Variants in MOB1A observed in about 807,000 individuals in gnomAD.
The protein encoded by MOB1A is MOB kinase activator 1A.
MOB1A carries 10 observed loss-of-function variants against 25.1 expected under a neutral mutation model. That is an observed-to-expected ratio of 0.40 (90% CI 0.25 to 0.68). The LOEUF (loss-of-function observed/expected upper bound fraction) is 0.68, where lower values mean the gene tolerates loss of function less well. Ranked by LOEUF, MOB1A falls within the 30% of genes least tolerant of loss-of-function variation. The pLI is 0.40. For missense variants in MOB1A, 177 were observed against 256.3 expected (o/e 0.69, Z 2.11); for synonymous variants, 81 against 79.5 (o/e 1.02, Z -0.10).
intron 2 of MOB1A, among the ~76,000 whole-genome samples, chr2:74,171,453 T>C (rs1198904911): frequency 6.6e-6 from 1 of 152,158 alleles, no homozygotes; most frequent in Non-Finnish European, 1.5e-5. Context: ...TATTTATAGA[T>C]AAAACATCAT....
At chr2:74,160,265 T>G (rs1013142341) in intron 4 of MOB1A, among the ~76,000 whole-genome samples, 1 of 152,164 alleles carries the variant, frequency 6.6e-6, no homozygotes, top group Non-Finnish European at 1.5e-5. Flanking sequence ...ACAGATTGCC[T>G]GAGCTCATAA....
Position 74,178,428 on chromosome 2 carries a change from G to A in MOB1A, c.14+233C>T, listed in dbSNP as rs1693540583. The A allele has an allele frequency of 2.3e-5, 8 of 346,808 alleles. No individual in the cohort carries two copies. In the East Asian group the frequency reaches 2.9e-4, roughly 13 times the overall value. The allele number at this position is 346,808 out of a possible 1,614,324, so 21.5% of individuals were successfully genotyped here. A position where few individuals can be genotyped will look rare whatever the true frequency, so the allele number is the denominator to read the frequency against. Reference sequence around the variant, plus strand: ...AAAAGTTTGGAGGCGCGACGGCCCCGGGGCCTTTCTACTCCCCAGCCTTCA... The same window carrying A: ...AAAAGTTTGGAGGCGCGACGGCCCCAGGGCCTTTCTACTCCCCAGCCTTCA... On this transcript the variant is annotated intron_variant, in intron 1 of 5. Coordinates refer to ENST00000396049, the MANE Select transcript of MOB1A (RefSeq NM_018221.5).
At chr2:74,158,869 T>C (rs1692878404) in intron 5 of MOB1A, among the ~76,000 whole-genome samples, 1 of 151,082 alleles carries the variant, frequency 6.6e-6, no homozygotes, top group African/African-American at 2.4e-5. Context: ...ACCACAGACC[T>C]AGGGTGGCCA....
At chr2:74,165,479 G>A (rs1319989672) in intron 3 of MOB1A, 128 bp from the exon 4 acceptor site, 1 of 523,184 alleles carries the variant, frequency 1.9e-6, no homozygotes, top group Non-Finnish European at 3.2e-6. Flanking sequence ...ATCACCTTAA[G>A]TTCTACTGAA....
intron 3 of MOB1A, 33 bp downstream of exon 3, chr2:74,166,981 T>C: frequency 1.4e-6 from 2 of 1,454,320 alleles, no homozygotes; most frequent in Non-Finnish European, 1.9e-6. Context: ...GTAAAACTAA[T>C]CCAAACACCT....
rs140847958 is a variant in MOB1A at position 74,161,817 on chromosome 2, T to C, written c.410-2563A>G. 7.9e-5 allele frequency among the ~76,000 whole-genome samples: 12 copies of C among 151,954 alleles called. No individual in the cohort carries two copies. In the East Asian group the frequency reaches 1.9e-3, roughly 25 times the overall value. On this transcript the variant is annotated intron_variant, in intron 4 of 5. Coordinates refer to ENST00000396049, the MANE Select transcript of MOB1A (RefSeq NM_018221.5). The stretch of plus-strand genomic sequence containing the variant: ...CAAAAAATTGAAAATTAGCTGGGCG[T>C]GGTGGCACACGTGCCTGTGGTCTCA...
chr2:74,166,744 G>A (rs547282127), intron 3 of MOB1A, among the ~76,000 whole-genome samples: 141 of 152,348 alleles, frequency 9.3e-4, no homozygotes, highest in Middle Eastern at 6.8e-3. Flanking sequence ...GCTGAGGCAT[G>A]AGAACCGCTT....
At position 74,176,115 on chromosome 2, in the gene MOB1A, C is replaced by CACAT. The variant is rs1313140161; in HGVS notation, c.14+2545_14+2546insATGT. ...ACACACACACACACACACACACACA[C>CACAT]ACACACACAAACTAGCCGGGCGTGG... On this transcript the variant is annotated intron_variant, in intron 1 of 5. Coordinates refer to ENST00000396049, the MANE Select transcript of MOB1A (RefSeq NM_018221.5). Among the ~76,000 whole-genome samples the CACAT allele has an allele frequency of 2.7e-5, 4 of 146,130 alleles. No individual in the cohort carries two copies. The East Asian group carries it at 8.3e-4, about 30-fold the overall frequency.
chr2:74,158,599 G>T (rs1457814635), intron 5 of MOB1A, among the ~76,000 whole-genome samples: 1 of 151,848 alleles, frequency 6.6e-6, no homozygotes, highest in East Asian at 1.9e-4. Flanking sequence ...GGCCAACATG[G>T]GAAACCCCGT....
chr2:74,157,417 A>C (rs1470585159), intron 5 of MOB1A, among the ~76,000 whole-genome samples: 1 of 152,046 alleles, frequency 6.6e-6, no homozygotes, highest in Non-Finnish European at 1.5e-5. Context: ...TTCATAATAA[A>C]CAGGTAGAGA....
intron 2 of MOB1A, among the ~76,000 whole-genome samples, chr2:74,169,649 G>A (rs1025156007): frequency 3.3e-5 from 5 of 150,666 alleles, no homozygotes; most frequent in African/African-American, 9.8e-5. Flanking sequence ...TTTTTCCCCC[G>A]ACTGGGTCTC....
intron 1 of MOB1A, among the ~76,000 whole-genome samples, 182 bp downstream of exon 1, chr2:74,178,479 T>TC (rs2103759637): frequency 6.6e-6 from 1 of 152,174 alleles, no homozygotes; most frequent in South Asian, 2.1e-4. Context: ...ACTTCGACCT[T>TC]CATCTCTGTC....
At chr2:74,163,105 T>C (rs963130757) in intron 4 of MOB1A, among the ~76,000 whole-genome samples, 4 of 152,184 alleles carry the variant, frequency 2.6e-5, no homozygotes, top group Non-Finnish European at 4.4e-5. Flanking sequence ...ACTTGCATAA[T>C]AGTAAGAAGG....
At chr2:74,173,948 C>CAAAAAAAAAAA (rs773447145) in intron 1 of MOB1A, among the ~76,000 whole-genome samples, 4 of 56,200 alleles carry the variant, frequency 7.1e-5, no homozygotes, top group East Asian at 5.9e-4. Flanking sequence ...AACTCCGTCT[C>CAAAAAAAAAAA]AAAAAAAAAA....
chr2:74,156,641 A>G lies in MOB1A; in HGVS notation c.578T>C (p.Phe193Ser). 6.5e-7 allele frequency: 1 copy of G among 1,549,070 alleles called. No homozygotes were observed. Among genetic ancestry groups the G allele is most frequent in the Non-Finnish European group, 8.7e-7 (1 of 1,144,662 alleles). ...FKHFIFFVQEFNLIDRRELAP... is the reference protein window; with the variant it reads ...FKHFIFFVQESNLIDRRELAP... Reference sequence around the variant, plus strand: ...CAGCTCACGCCTATCAATCAGATTAAACTCCTAAAAAGAGAAGAAAAATAA... The same window carrying G: ...CAGCTCACGCCTATCAATCAGATTAGACTCCTAAAAAGAGAAGAAAAATAA... Residue 193 changes from phenylalanine to serine, a missense_variant, in exon 6 of 6, where the codon TTT (phenylalanine) becomes TCT (serine). By Grantham distance (155) the Phe-to-Ser change is radical. Transcript: ENST00000396049.
Position 74,169,705 on chromosome 2 carries a change from T to C in MOB1A, c.182-2598A>G, listed in dbSNP as rs567343764. Among the ~76,000 whole-genome samples the C allele has an allele frequency of 3.6e-3, 546 of 152,014 alleles. 2 individuals carry two copies. Among genetic ancestry groups the C allele is most frequent in the Non-Finnish European group, 6.0e-3 (406 of 67,956 alleles). On this transcript the variant is annotated intron_variant, in intron 2 of 5. Coordinates refer to ENST00000396049, the MANE Select transcript of MOB1A (RefSeq NM_018221.5). The stretch of plus-strand genomic sequence containing the variant: ...GTGCAGTGGTGCGATCTTGGCTCAC[T>C]GCAACCCCCGTCTCCCAGGTTCAAG...
At chr2:74,166,140 C>T (rs1333099743) in intron 3 of MOB1A, among the ~76,000 whole-genome samples, 1 of 151,748 alleles carries the variant, frequency 6.6e-6, no homozygotes, top group African/African-American at 2.4e-5. Flanking sequence ...GGAAACACAG[C>T]AAACATTAAT....
chr2:74,176,123 C>CAG (rs1445246171), intron 1 of MOB1A, among the ~76,000 whole-genome samples: 2 of 131,610 alleles, frequency 1.5e-5, no homozygotes, highest in Middle Eastern at 3.7e-3. Context: ...CACACACACA[C>CAG]AAACTAGCCG....
chr2:74,176,983 G>A (rs1693492246), intron 1 of MOB1A, among the ~76,000 whole-genome samples: 1 of 152,096 alleles, frequency 6.6e-6, no homozygotes, highest in Admixed American at 6.6e-5. Context: ...TGTCACATAT[G>A]TTCACAGCAG....
Sources: allele counts gnomAD v4.1 joint callset (sites outside exome capture counted in the v4.1 genomes callset), GRCh38; gene constraint gnomAD v4.1.1; transcripts MANE v1.5; gene names NCBI Gene and HGNC (gene_info 2026-07-23, HGNC 2026-07-21).